SNAPC4: variants seen among roughly 807,000 people sequenced by gnomAD.
The protein encoded by SNAPC4 is snRNA-activating protein complex subunit 4.
A neutral mutation model predicts 151.3 loss-of-function variants in SNAPC4; 127 were observed. The ratio of observed to expected loss-of-function variants is 0.84; its 90% CI spans 0.73 to 0.97. SNAPC4 has a LOEUF of 0.97. Ranked by LOEUF, SNAPC4 falls within the 50% of genes least tolerant of loss-of-function variation. The pLI is 0.00. For missense variants in SNAPC4, 2,186 were observed against 1,935.0 expected (o/e 1.13, Z -2.43); for synonymous variants, 1,002 against 824.4 (o/e 1.22, Z -3.69).
rs1260557365 is a variant in SNAPC4 at position 136,378,268 on chromosome 9, G to C, written c.3559C>G (p.Pro1187Ala). ...GGGTCAGCGTGGGAGGACGTCCTGG[G>C]CTCAGGTATCTCCCTGGCCACCTGG... ...EAQVAREIPE[P>A]RTSSHADPPE... Residue 1187 changes from proline (P) to alanine (A), a missense_variant, in exon 22 of 24, where the codon CCC becomes GCC. Physicochemically the swap from Pro to Ala is conservative, Grantham distance 27 (BLOSUM62 -1). Coordinates refer to ENST00000684778, the MANE Select transcript of SNAPC4 (RefSeq NM_003086.4). 2 of 1,606,842 alleles carry C rather than the reference G, an allele frequency of 1.2e-6. No individual in the cohort carries two copies. Among genetic ancestry groups the C allele is most frequent in the Non-Finnish European group, 1.7e-6 (2 of 1,177,346 alleles).
At chr9:136,391,181 G>C (rs1834061054) in intron 10 of SNAPC4, among the ~76,000 whole-genome samples, 1 of 152,218 alleles carries the variant, frequency 6.6e-6, no homozygotes, top group South Asian at 2.1e-4. Context: ...CTGATATAGA[G>C]TAGGCCCTAC....
rs1564397907 is a variant in SNAPC4, at chr9:136,398,392, C to T, written c.37G>A (p.Glu13Lys). ...AAAATCCTTTCCAGCTCCTTGATCTCCTGTGTTATCTTCTCTCTTTCAGCA... is the reference window on the plus strand; with the variant it reads ...AAAATCCTTTCCAGCTCCTTGATCTTCTGTGTTATCTTCTCTCTTTCAGCA... ...VDAEREKITQ[E>K]IKELERILDP... The change falls in exon 2 of 24, where the codon GAG becomes AAG. Residue 13 changes from glutamate (E) to lysine (K), a missense_variant. Transcript: ENST00000684778. 3 of 1,613,918 alleles carry T rather than the reference C, an allele frequency of 1.9e-6. No individual in the cohort carries two copies. The highest frequency in any genetic ancestry group is 1.1e-5 in the South Asian group (1 of 91,088).
intron 1 of SNAPC4, among the ~76,000 whole-genome samples, 153 bp downstream of exon 1, chr9:136,399,981 C>T (rs952125859): frequency 1.3e-5 from 2 of 152,122 alleles, no homozygotes; most frequent in Non-Finnish European, 2.9e-5. Flanking sequence ...CGGACGGGGG[C>T]CACGCCGGGC....
chr9:136,394,420 G>C (rs1452387609), intron 6 of SNAPC4, 90 bp from the exon 7 acceptor site: 1 of 1,226,506 alleles, frequency 8.2e-7, no homozygotes, highest in Admixed American at 1.7e-5. Context: ...CGAGGCAGTG[G>C]TGGGGGGCCC....
At position 136,395,300 on chromosome 9, in the gene SNAPC4, C is replaced by T. The variant is rs759754919; in HGVS notation, c.469G>A (p.Val157Met). 25 of 1,612,908 alleles carry T rather than the reference C, an allele frequency of 1.6e-5. No individual in the cohort carries two copies. The highest frequency in any genetic ancestry group is 1.0e-4 in the Admixed American group (6 of 59,932). Residue 157 changes from valine to methionine, a missense_variant and splice_region_variant, in exon 5 of 24, where the codon GTG (valine) becomes ATG (methionine). Coordinates refer to ENST00000684778, the MANE Select transcript of SNAPC4 (RefSeq NM_003086.4). ...KPYFKDKVTGVGPPANEDTRE... is the reference protein window; with the variant it reads ...KPYFKDKVTGMGPPANEDTRE... Reference sequence around the variant, plus strand: ...AGAGCAGGGCCTCGGCCACTCACCACGCCCGTGACCTTGTCCTTGAAATAC... The same window carrying T: ...AGAGCAGGGCCTCGGCCACTCACCATGCCCGTGACCTTGTCCTTGAAATAC...
intron 11 of SNAPC4, 21 bp from the exon 12 acceptor site, chr9:136,387,869 A>C (rs1338505364): frequency 1.4e-6 from 2 of 1,406,708 alleles, no homozygotes; most frequent in Non-Finnish European, 2.0e-6. Context: ...AGGAACAGGG[A>C]GGTCCTGTGG....
At chr9:136,384,684 A>G in intron 14 of SNAPC4, 36 bp downstream of exon 14, 1 of 1,122,216 alleles carries the variant, frequency 8.9e-7, no homozygotes, top group Non-Finnish European at 1.3e-6. Context: ...AAAAACAAAA[A>G]AAAGAAACTA....
Position 136,377,959 on chromosome 9 carries a change from G to A in SNAPC4, c.3868C>T (p.Arg1290Trp), listed in dbSNP as rs770269129. The change falls in exon 22 of 24, where the codon CGG becomes TGG. Residue 1290 changes from arginine (R) to tryptophan (W), a missense_variant. Arg to Trp is a moderately radical substitution (Grantham distance 101, BLOSUM62 -3). Coordinates refer to ENST00000684778, the MANE Select transcript of SNAPC4 (RefSeq NM_003086.4). ...CCCAGAAGAGGCACACGCACCCCCC[G>A]CTGGCCCCCCAGCCACTGCTGTGTG... ...AATQQWLGGQRGVRVPLLGSR... is the reference protein window; with the variant it reads ...AATQQWLGGQWGVRVPLLGSR... 2.9e-5 allele frequency: 47 copies of A among 1,601,828 alleles called. 1 individual carries two copies. The East Asian group carries it at 3.1e-4, about 11-fold the overall frequency.
At chr9:136,387,623 G>A (rs112810769) in intron 12 of SNAPC4, 44 bp from the exon 13 acceptor site, 308 of 1,474,418 alleles carry the variant, frequency 2.1e-4, no homozygotes, top group Non-Finnish European at 2.6e-4. Flanking sequence ...CTGCAGGTAC[G>A]GCTGCAGCCT....
In SNAPC4 at chr9:136,377,874, A is replaced by C. The variant is rs1453668101; in HGVS notation, c.3953T>G (p.Leu1318Arg). ...GTGCTCCAGGGCCTTCTTGTGGAGTAGGAGACCGGACAGAGCTCGCAGGCT... is the reference window on the plus strand; with the variant it reads ...GTGCTCCAGGGCCTTCTTGTGGAGTCGGAGACCGGACAGAGCTCGCAGGCT... ...LCSLRALSGL[L>R]LHKKALEHKA... is the part of the protein sequence containing the mutation. Residue 1318 changes from leucine to arginine, a missense_variant, in exon 22 of 24, where the codon CTA becomes CGA. Physicochemically the swap from Leu to Arg is moderately radical, Grantham distance 102 (BLOSUM62 -2). Coordinates refer to ENST00000684778, the MANE Select transcript of SNAPC4 (RefSeq NM_003086.4). 6.2e-7 allele frequency: 1 copy of C among 1,611,500 alleles called. No homozygotes were observed. The highest frequency in any genetic ancestry group is 2.2e-5 in the East Asian group (1 of 44,870).
chr9:136,377,466 C>A, intron 22 of SNAPC4, 77 bp downstream of exon 22: 1 of 1,470,932 alleles, frequency 6.8e-7, no homozygotes. Flanking sequence ...AGCCCCCACC[C>A]CACTGCTCCA....
intron 14 of SNAPC4, 137 bp from the exon 15 acceptor site, chr9:136,384,169 A>G (rs1479973114): frequency 3.0e-6 from 2 of 657,430 alleles, no homozygotes; most frequent in South Asian, 3.9e-5. Flanking sequence ...GGGGTCAAGC[A>G]TGTTGGGTGC....
At chr9:136,389,866 C>T (rs923764293) in intron 10 of SNAPC4, among the ~76,000 whole-genome samples, 2 of 152,176 alleles carry the variant, frequency 1.3e-5, no homozygotes, top group African/African-American at 2.4e-5. Flanking sequence ...AGGCCTTAGC[C>T]TGGCTTTTCT....
chr9:136,390,613 G>C (rs560830448), intron 10 of SNAPC4, among the ~76,000 whole-genome samples: 1 of 149,956 alleles, frequency 6.7e-6, no homozygotes, highest in South Asian at 2.1e-4. Context: ...AACGCAAGCT[G>C]GGCTGAATCC....
chr9:136,397,014 G>A lies in SNAPC4; in HGVS notation c.140C>T (p.Pro47Leu). Residue 47 changes from proline (P) to leucine (L), a missense_variant, in exon 3 of 24, where the codon CCT becomes CTT. Coordinates refer to ENST00000684778, the MANE Select transcript of SNAPC4 (RefSeq NM_003086.4). ...LESDSEADSLPSEDLDPADPP... is the reference protein window; with the variant it reads ...LESDSEADSLLSEDLDPADPP... ...ATCGGCAGGATCCAAGTCCTCAGAA[G>A]GCAGTGAATCTGTCAGAAACACAAG... 6.2e-7 allele frequency: 1 copy of A among 1,612,912 alleles called. No homozygotes were observed.
rs1400680051 is a variant in SNAPC4 at position 136,378,752 on chromosome 9, C to T, written c.3075G>A (p.Gln1025=). The change falls in exon 22 of 24, where the codon CAG becomes CAA. Residue 1025 remains glutamine (Q), a synonymous_variant. Transcript: ENST00000684778. ...SVSCPESGLG[Q]SQAPAASRKQ... is the part of the protein sequence containing the mutation. ...TCCGGGATGCAGCGGGGGCCTGAGACTGTCCGAGACCACTCTCGGGGCAGC... is the reference window on the plus strand; with the variant it reads ...TCCGGGATGCAGCGGGGGCCTGAGATTGTCCGAGACCACTCTCGGGGCAGC... 5 of 1,524,438 alleles carry T rather than the reference C, an allele frequency of 3.3e-6. No homozygotes were observed. In the African/African-American group the frequency reaches 5.5e-5, roughly 17 times the overall value. 94.4% of individuals were successfully genotyped at this position (1,524,438 alleles called of 1,614,324 possible). A position where few individuals can be genotyped will look rare whatever the true frequency, so the allele number is the denominator to read the frequency against.
At chr9:136,379,701 C>A in intron 21 of SNAPC4, 136 bp downstream of exon 21, 1 of 835,086 alleles carries the variant, frequency 1.2e-6, no homozygotes, top group Non-Finnish European at 2.0e-6. Context: ...TGGTGGGACT[C>A]GAGGGAGCTC....
intron 5 of SNAPC4, 79 bp downstream of exon 5, chr9:136,395,219 C>A: frequency 6.5e-7 from 1 of 1,534,536 alleles, no homozygotes. Flanking sequence ...TTCACGACTC[C>A]CTGCAGCAGG....
chr9:136,386,092 C>T (rs1643231223), intron 13 of SNAPC4, among the ~76,000 whole-genome samples: 1 of 151,540 alleles, frequency 6.6e-6, no homozygotes, highest in African/African-American at 2.4e-5. Context: ...GAGGCTGGAC[C>T]ATTTTACAAC....
Sources: allele counts gnomAD v4.1 joint callset (sites outside exome capture counted in the v4.1 genomes callset), GRCh38; gene constraint gnomAD v4.1.1; transcripts MANE v1.5; gene names NCBI Gene and HGNC (gene_info 2026-07-23, HGNC 2026-07-21).